Variants in CCK observed in about 807,000 individuals in gnomAD.
CCK encodes cholecystokinin triacontatriapeptide.
Under a neutral mutation model 10.1 loss-of-function variants are expected in CCK, and 11 were observed. The observed-to-expected ratio is 1.09, with a 90% CI of 0.69 to 1.81. CCK has a LOEUF of 1.81. Ranked by LOEUF, CCK falls within the 40% of genes most tolerant of loss-of-function variation. The pLI is 0.00. For missense variants in CCK, 137 were observed against 159.9 expected (o/e 0.86, Z 0.77); for synonymous variants, 83 against 71.9 (o/e 1.15, Z -0.78).
chr3:42,259,565 G>C (rs932849871), intron 4 of CCK, among the ~76,000 whole-genome samples: 35 of 152,240 alleles, frequency 2.3e-4, no homozygotes, highest in African/African-American at 7.2e-4. Flanking sequence ...TCAAAGAAGG[G>C]GGGGAGAGAG....
At chr3:42,261,316 T>G (rs11129949) in intron 4 of CCK, among the ~76,000 whole-genome samples, 12,587 of 152,264 alleles carry the variant, frequency 0.083, 747 homozygotes, top group Non-Finnish European at 0.13. Flanking sequence ...TAAAATATTC[T>G]ATATACTGCA....
At chr3:42,263,338 C>A (rs761668085) in intron 4 of CCK, 79 bp downstream of exon 4, 79 of 1,607,146 alleles carry the variant, frequency 4.9e-5, no homozygotes, top group Non-Finnish European at 6.1e-5. Context: ...CCCCATCAGG[C>A]TAGCGCTAGA....
chr3:42,259,633 G>C (rs1711186074), intron 4 of CCK, among the ~76,000 whole-genome samples: 1 of 152,182 alleles, frequency 6.6e-6, no homozygotes, highest in African/African-American at 2.4e-5. Flanking sequence ...AACTGAACCT[G>C]AAATTGTCCC....
At chr3:42,259,711 G>A (rs1333096986) in intron 4 of CCK, among the ~76,000 whole-genome samples, 1 of 152,152 alleles carries the variant, frequency 6.6e-6, no homozygotes, top group Non-Finnish European at 1.5e-5. Context: ...GAGTGAGCAG[G>A]GACATGAAGA....
intron 3 of CCK, 192 bp from the exon 4 acceptor site, chr3:42,263,824 T>G: frequency 1.1e-6 from 1 of 937,292 alleles, no homozygotes; most frequent in Non-Finnish European, 1.5e-6. Flanking sequence ...CGGGCGCACC[T>G]GGCTGGTCTT....
At chr3:42,263,352 G>C (rs1711241967) in intron 4 of CCK, 65 bp downstream of exon 4, 2 of 1,612,320 alleles carry the variant, frequency 1.2e-6, no homozygotes, top group Non-Finnish European at 8.5e-7. Flanking sequence ...CGCTAGAGAA[G>C]AGGGTCAGCA....
chr3:42,265,571 G>A (rs1711275606), intron 1 of CCK, 113 bp downstream of exon 1: 1 of 152,232 alleles, frequency 6.6e-6, no homozygotes, highest in Non-Finnish European at 1.5e-5. Flanking sequence ...AGCGGCGCCA[G>A]CGAGGGTCCT....
At chr3:42,260,749 C>T (rs1424774950) in intron 4 of CCK, among the ~76,000 whole-genome samples, 1 of 152,238 alleles carries the variant, frequency 6.6e-6, no homozygotes, top group East Asian at 1.9e-4. Flanking sequence ...GCTGCTGAAT[C>T]ACCTTATTCC....
intron 4 of CCK, among the ~76,000 whole-genome samples, chr3:42,259,709 A>G (rs1711186923): frequency 6.6e-6 from 1 of 152,242 alleles, no homozygotes; most frequent in South Asian, 2.1e-4. Context: ...CTGAGTGAGC[A>G]GGGACATGAA....
intron 4 of CCK, among the ~76,000 whole-genome samples, chr3:42,259,084 C>T (rs1054783067): frequency 1.3e-5 from 2 of 152,068 alleles, no homozygotes; most frequent in African/African-American, 4.8e-5. Flanking sequence ...CCATCATTCT[C>T]AGCAAACTAA....
rs900709072 is a variant in CCK, at chr3:42,264,166, T to C, written c.-3+531A>G. 2.2e-4 allele frequency among the ~76,000 whole-genome samples: 33 copies of C among 148,202 alleles called. No individual in the cohort carries two copies. The East Asian group carries it at 6.5e-3, about 29-fold the overall frequency. On this transcript the variant is annotated intron_variant, in intron 3 of 4. Transcript: ENST00000396169. ...AATAAAGCCGTATTTATAAAGTTTT[T>C]CTCAAAGTGTACGTGGGAAATGGCA... is the stretch of plus-strand genomic sequence containing the variant.
chr3:42,258,477 A>G (rs564486001), intron 4 of CCK, among the ~76,000 whole-genome samples: 1 of 152,298 alleles, frequency 6.6e-6, no homozygotes, highest in East Asian at 1.9e-4. Flanking sequence ...GCGTTCTGCA[A>G]GTATTTAGGT....
At chr3:42,261,614 T>TC (rs1711214161) in intron 4 of CCK, among the ~76,000 whole-genome samples, 1 of 149,040 alleles carries the variant, frequency 6.7e-6, no homozygotes, top group Non-Finnish European at 1.5e-5. Flanking sequence ...TGAGCTTTTT[T>TC]TTTTTTCTTT....
At chr3:42,260,553 G>A (rs1476357641) in intron 4 of CCK, among the ~76,000 whole-genome samples, 1 of 152,172 alleles carries the variant, frequency 6.6e-6, no homozygotes, top group Admixed American at 6.5e-5. Context: ...ATTTACCAGG[G>A]TCCTCACTCA....
At chr3:42,258,260 G>C in intron 4 of CCK, 29 bp from the exon 5 acceptor site, 1 of 1,601,860 alleles carries the variant, frequency 6.2e-7, no homozygotes, top group Non-Finnish European at 8.5e-7. Flanking sequence ...AAGGAAACAG[G>C]GACATTGCAT....
Position 42,263,596 on chromosome 3 carries a change from G to A in CCK, c.35C>T (p.Ala12Val), listed in dbSNP as rs1711247230. Reference protein sequence around the residue: ...NSGVCLCVLMAVLAAGALTQP... With the variant: ...NSGVCLCVLMVVLAAGALTQP... ...CGTCAGGGCGCCAGCCGCCAGTACC[G>A]CCATCAGCACGCACAGGCACACGCC... Residue 12 changes from alanine (A) to valine (V), a missense_variant, in exon 4 of 5, where the codon GCG becomes GTG. Ala to Val is a moderately conservative substitution (Grantham distance 64). Coordinates refer to ENST00000396169, the MANE Select transcript of CCK (RefSeq NM_000729.6). The A allele has an allele frequency of 6.2e-7, 1 of 1,607,002 alleles. No individual in the cohort carries two copies. The highest frequency in any genetic ancestry group is 1.3e-5 in the African/African-American group (1 of 74,898).
chr3:42,263,474 C>T lies in CCK; in HGVS notation c.157G>A (p.Glu53Lys). The T allele has an allele frequency of 4.3e-6, 7 of 1,614,194 alleles. No individual in the cohort carries two copies. The highest frequency in any genetic ancestry group is 5.9e-6 in the Non-Finnish European group (7 of 1,180,040). ...QLRVSQRTDG[E>K]SRAHLGALLA... Reference sequence around the variant, plus strand: ...AGGGCGCCCAGGTGCGCTCGGGACTCGCCATCCGTTCTCTGCGATACCCTC... The same window carrying T: ...AGGGCGCCCAGGTGCGCTCGGGACTTGCCATCCGTTCTCTGCGATACCCTC... Residue 53 changes from glutamate to lysine, a missense_variant, in exon 4 of 5, where the codon GAG becomes AAG. Transcript: ENST00000396169.
At chr3:42,260,747 A>G (rs1197531850) in intron 4 of CCK, among the ~76,000 whole-genome samples, 1 of 152,228 alleles carries the variant, frequency 6.6e-6, no homozygotes, top group African/African-American at 2.4e-5. Flanking sequence ...GGGCTGCTGA[A>G]TCACCTTATT....
chr3:42,258,478 G>A (rs987435442), intron 4 of CCK, among the ~76,000 whole-genome samples: 1 of 152,208 alleles, frequency 6.6e-6, no homozygotes, highest in Non-Finnish European at 1.5e-5. Context: ...CGTTCTGCAA[G>A]TATTTAGGTG....
Sources: allele counts gnomAD v4.1 joint callset (sites outside exome capture counted in the v4.1 genomes callset), GRCh38; gene constraint gnomAD v4.1.1; transcripts MANE v1.5; gene names NCBI Gene and HGNC (gene_info 2026-07-23, HGNC 2026-07-21).